The following APOOL variants were observed in gnomAD, a reference collection of about 807,000 sequenced individuals.
APOOL encodes the protein MICOS complex subunit MIC27.
A neutral mutation model predicts 23.1 loss-of-function variants in APOOL; 12 were observed. That is an observed-to-expected ratio of 0.52 (90% CI 0.33 to 0.84). The LOEUF (loss-of-function observed/expected upper bound fraction) is 0.84, where lower values mean the gene tolerates loss of function less well. APOOL is among the 40% of genes least tolerant of loss of function. The pLI is 0.02. For missense variants in APOOL, 212 were observed against 199.6 expected (o/e 1.06, Z -0.37); for synonymous variants, 77 against 69.9 (o/e 1.10, Z -0.51).
chrX:85,029,256 C>A (rs1236840919), intron 1 of APOOL, among the ~76,000 whole-genome samples: 1 of 111,359 alleles, frequency 9.0e-6, no homozygotes, highest in Non-Finnish European at 1.9e-5. Context: ...AATTTCCCTG[C>A]CCTATCATAT....
intron 1 of APOOL, among the ~76,000 whole-genome samples, chrX:85,041,155 C>T (rs1016860573): frequency 8.9e-6 from 1 of 111,824 alleles, no homozygotes; most frequent in Non-Finnish European, 1.9e-5. Context: ...CCCAAGTGCT[C>T]AGGTTGGGGT....
At chrX:85,040,817 G>T (rs1247273763) in intron 1 of APOOL, among the ~76,000 whole-genome samples, 6 of 111,216 alleles carry the variant, frequency 5.4e-5, no homozygotes, top group Admixed American at 1.9e-4. Context: ...CTTTGGATTT[G>T]GTTCAACTTT....
chrX:85,028,425 A>G (rs772281140), intron 1 of APOOL, among the ~76,000 whole-genome samples: 1 of 111,563 alleles, frequency 9.0e-6, no homozygotes, highest in South Asian at 3.8e-4. Flanking sequence ...TAGTACATGT[A>G]TATATTTATG....
chrX:85,055,501 A>C (rs1922928007), intron 4 of APOOL, among the ~76,000 whole-genome samples: 1 of 111,898 alleles, frequency 8.9e-6, no homozygotes, highest in Non-Finnish European at 1.9e-5. Flanking sequence ...TAGAGATATA[A>C]TACATACGCA....
At chrX:85,079,645 G>T (rs78163834) in intron 8 of APOOL, among the ~76,000 whole-genome samples, 1 of 111,571 alleles carries the variant, frequency 9.0e-6, no homozygotes, top group Admixed American at 9.5e-5. Context: ...CTATTGATTG[G>T]AATAGTTTCA....
Position 85,088,942 on chromosome X carries a change from AC to A in APOOL, c.*1266del, listed in dbSNP as rs1225703477. 2 of 110,834 alleles carry A rather than the reference AC, an allele frequency of 1.8e-5. No homozygotes were observed. The highest frequency in any genetic ancestry group is 3.8e-5 in the Non-Finnish European group (2 of 52,860). The allele number at this position is 110,834 out of a possible 1,213,427, so 9.1% of individuals were successfully genotyped here. A position where few individuals can be genotyped will look rare whatever the true frequency, so the allele number is the denominator to read the frequency against. ...TCAACAATAACAAAACAAGACAAAA[AC>A]CTTTCCTTAACTTGGCCTCTTCCCT... On this transcript the variant is annotated 3_prime_UTR_variant, in exon 9 of 9. Transcript: ENST00000373173.
intron 6 of APOOL, among the ~76,000 whole-genome samples, chrX:85,071,772 T>C (rs1007855540): frequency 8.9e-6 from 1 of 111,904 alleles, no homozygotes; most frequent in Non-Finnish European, 1.9e-5. Context: ...TTGTAACATA[T>C]ATGACAAAGT....
chrX:85,013,601 T>C (rs1448339325), intron 1 of APOOL, among the ~76,000 whole-genome samples: 1 of 112,118 alleles, frequency 8.9e-6, no homozygotes, highest in East Asian at 2.8e-4. Flanking sequence ...ATTAGTAGAT[T>C]ATTTAATTTA....
chrX:85,060,182 A>G (rs1232805711), intron 5 of APOOL, among the ~76,000 whole-genome samples: 1 of 105,885 alleles, frequency 9.4e-6, no homozygotes, highest in Non-Finnish European at 1.9e-5. Context: ...AAGATCAGAT[A>G]GTTGTAGATA....
At chrX:85,013,247 A>C (rs1254400103) in intron 1 of APOOL, among the ~76,000 whole-genome samples, 1 of 111,648 alleles carries the variant, frequency 9.0e-6, no homozygotes, top group Non-Finnish European at 1.9e-5. Context: ...TCTAATGGTC[A>C]ATCAGTTTTC....
Position 85,093,189 on chromosome X carries a change from C to G in APOOL, c.*5511C>G, listed in dbSNP as rs768717647. On this transcript the variant is annotated 3_prime_UTR_variant, in exon 9 of 9. Coordinates refer to ENST00000373173, the MANE Select transcript of APOOL (RefSeq NM_198450.6). ...AATACTAATTGTAATACATACCTGA[C>G]TTAGCCTCTTCAGCATTTCAGCTCC... The G allele has an allele frequency of 2.2e-5, 26 of 1,163,225 alleles. No individual in the cohort carries two copies. Among genetic ancestry groups the G allele is most frequent in the South Asian group, 1.1e-4 (6 of 52,383 alleles).
At chrX:85,076,799 A>T (rs922426466) in intron 8 of APOOL, among the ~76,000 whole-genome samples, 1 of 108,014 alleles carries the variant, frequency 9.3e-6, no homozygotes, top group Non-Finnish European at 1.9e-5. Flanking sequence ...CATGTACATT[A>T]ATGGAGAAAA....
At chrX:85,086,674 T>G (rs1397558968) in intron 8 of APOOL, among the ~76,000 whole-genome samples, 1 of 111,447 alleles carries the variant, frequency 9.0e-6, no homozygotes, top group African/African-American at 3.3e-5. Flanking sequence ...CTTGTTTCCC[T>G]ATAGTTTCTT....
chrX:85,024,890 A>G (rs1050949570), intron 1 of APOOL, among the ~76,000 whole-genome samples: 18 of 112,636 alleles, frequency 1.6e-4, no homozygotes, highest in African/African-American at 5.2e-4. Flanking sequence ...GAGCTCTTTG[A>G]AATAGCTCTT....
rs368881538 is a variant in APOOL at position 85,030,809 on chromosome X, G to A, written c.16-15637G>A. 1.4e-4 allele frequency among the ~76,000 whole-genome samples: 16 copies of A among 111,646 alleles called. No individual in the cohort carries two copies. The South Asian group carries it at 2.3e-3, about 16-fold the overall frequency. On this transcript the variant is annotated intron_variant, in intron 1 of 8. Coordinates refer to ENST00000373173, the MANE Select transcript of APOOL (RefSeq NM_198450.6). ...GAAAAAGTACATATTAGGTTAAAAT[G>A]TATACTGTTTGGGTTATGGGTGCAC... is the stretch of plus-strand genomic sequence containing the variant.
chrX:85,055,961 A>G (rs773489505), intron 5 of APOOL, 36 bp downstream of exon 5: 47 of 1,031,492 alleles, frequency 4.6e-5, no homozygotes, highest in Middle Eastern at 2.6e-4. Flanking sequence ...TCTTAATGCC[A>G]TGATATTAGT....
intron 4 of APOOL, among the ~76,000 whole-genome samples, chrX:85,054,926 T>A (rs987003540): frequency 8.9e-6 from 1 of 112,113 alleles, no homozygotes; most frequent in African/African-American, 3.2e-5. Flanking sequence ...TAGCAATCAC[T>A]AACCCTGGAA....
intron 6 of APOOL, among the ~76,000 whole-genome samples, chrX:85,073,677 G>A (rs1235623932): frequency 1.8e-5 from 2 of 110,271 alleles, no homozygotes; most frequent in African/African-American, 6.6e-5. Flanking sequence ...AAATCACCGT[G>A]TTATATACCT....
chrX:85,072,580 C>CA (rs1923705762), intron 6 of APOOL, among the ~76,000 whole-genome samples: 1 of 110,487 alleles, frequency 9.1e-6, no homozygotes, highest in Admixed American at 9.7e-5. Flanking sequence ...CTCCCTACCC[C>CA]CAAAAAGGAA....
Sources: allele counts gnomAD v4.1 joint callset (sites outside exome capture counted in the v4.1 genomes callset), GRCh38; gene constraint gnomAD v4.1.1; transcripts MANE v1.5; gene names NCBI Gene and HGNC (gene_info 2026-07-23, HGNC 2026-07-21).